Variants in PDZRN3 observed in about 807,000 individuals in gnomAD.
PDZRN3 encodes the protein PDZ domain containing ring finger 3, also known as E3 ubiquitin-protein ligase PDZRN3.
Under a neutral mutation model 85.7 loss-of-function variants are expected in PDZRN3, and 38 were observed. The observed-to-expected ratio is 0.44, with a 90% CI of 0.34 to 0.58. The LOEUF is 0.58. PDZRN3 is among the 20% of genes least tolerant of loss of function. The probability of loss-of-function intolerance (pLI) is 0.01; values close to 1 mark genes in which losing one functional copy is unlikely to be tolerated. For synonymous variants in PDZRN3, 759 were observed against 638.0 expected (o/e 1.19, Z -2.86); for missense variants, 1,629 against 1,506.4 (o/e 1.08, Z -1.35).
intron 3 of PDZRN3, among the ~76,000 whole-genome samples, chr3:73,578,406 G>A (rs186841209): frequency 0.015 from 2,246 of 152,190 alleles, 31 homozygotes; most frequent in Non-Finnish European, 0.022. Context: ...TCCTGACCTC[G>A]TGATCCGCCA....
Position 73,407,944 on chromosome 3 carries a change from C to T in PDZRN3, c.919-3549G>A, listed in dbSNP as rs139373942. The T allele has an allele frequency of 1.1e-3, 664 of 588,840 alleles. 6 individuals are homozygous for T. The highest frequency in any genetic ancestry group is 0.011 in the African/African-American group (592 of 53,312). The allele number at this position is 588,840 out of a possible 1,614,324, so 36.5% of individuals were successfully genotyped here. A position where few individuals can be genotyped will look rare whatever the true frequency, so the allele number is the denominator to read the frequency against. On this transcript the variant is annotated intron_variant, in intron 3 of 9. Coordinates refer to ENST00000263666, the MANE Select transcript of PDZRN3 (RefSeq NM_015009.3). ...TTACAGAGGGAAGAGCAGTAGCAAC[C>T]CCAAAGGGAGAACTGGGACTTTGGG...
intron 3 of PDZRN3, among the ~76,000 whole-genome samples, chr3:73,533,624 A>T (rs956105402): frequency 4.6e-5 from 7 of 152,140 alleles, no homozygotes; most frequent in Non-Finnish European, 7.3e-5. Context: ...GAAACAGATT[A>T]TCCACCAAAT....
At chr3:73,448,379 C>T (rs1293065823) in intron 3 of PDZRN3, among the ~76,000 whole-genome samples, 1 of 152,158 alleles carries the variant, frequency 6.6e-6, no homozygotes, top group African/African-American at 2.4e-5. Context: ...TTCTTCCTTT[C>T]TTTTTTACAT....
At chr3:73,477,071 G>A (rs1251193144) in intron 3 of PDZRN3, among the ~76,000 whole-genome samples, 1 of 152,140 alleles carries the variant, frequency 6.6e-6, no homozygotes, top group African/African-American at 2.4e-5. Context: ...CATGTGAAAT[G>A]TTTTTCATGA....
In PDZRN3 at chr3:73,614,389, T is replaced by C. The variant is rs866486101; in HGVS notation, c.724-5705A>G. ...TGGACACAAGACATCTCCTAATGAG[T>C]GTGGTGGTTCACAGGGTCCATCCAC... On this transcript the variant is annotated intron_variant, in intron 1 of 9. Coordinates refer to ENST00000263666, the MANE Select transcript of PDZRN3 (RefSeq NM_015009.3). Among the ~76,000 whole-genome samples, 4 of 152,180 alleles carry C rather than the reference T, an allele frequency of 2.6e-5. No individual in the cohort carries two copies. In the East Asian group the frequency reaches 7.7e-4, roughly 29 times the overall value.
intron 2 of PDZRN3, among the ~76,000 whole-genome samples, chr3:73,603,824 T>C (rs1575759972): frequency 6.6e-6 from 1 of 151,582 alleles, no homozygotes; most frequent in South Asian, 2.1e-4. Flanking sequence ...CTTGGAAAAA[T>C]GTACATTTCT....
In PDZRN3 at chr3:73,444,651, C is replaced by G. The variant is rs139540833; in HGVS notation, c.919-40256G>C. Among the ~76,000 whole-genome samples, 831 of 152,246 alleles carry G rather than the reference C, an allele frequency of 5.5e-3. 32 individuals are homozygous for G. The highest frequency in any genetic ancestry group is 3.9e-3 in the East Asian group (20 of 5,180). ...TGTCTCCTGGGAAACAAGACTAAAC[C>G]ATAAAGGGGGAGAGAAGTCAGCTGT... On this transcript the variant is annotated intron_variant, in intron 3 of 9. Coordinates refer to ENST00000263666, the MANE Select transcript of PDZRN3 (RefSeq NM_015009.3).
rs147090871 is a variant in PDZRN3 at position 73,592,957 on chromosome 3, T to A, written c.918+9397A>T. 7.3e-4 allele frequency among the ~76,000 whole-genome samples: 111 copies of A among 152,322 alleles called. 1 individual carries two copies. Among genetic ancestry groups the A allele is most frequent in the African/African-American group, 2.5e-3 (105 of 41,566 alleles). On this transcript the variant is annotated intron_variant, in intron 3 of 9. Coordinates refer to ENST00000263666, the MANE Select transcript of PDZRN3 (RefSeq NM_015009.3). ...TGCCTACTGCTTTGAAGCGTTCCCC[T>A]AGCGCTCGCTCATGTTACATATACT...
At chr3:73,513,922 T>TCACC (rs1559716996) in intron 3 of PDZRN3, among the ~76,000 whole-genome samples, 1 of 152,280 alleles carries the variant, frequency 6.6e-6, no homozygotes, top group African/African-American at 2.4e-5. Context: ...ATATACAAGG[T>TCACC]TTCTATGTCC....
chr3:73,481,091 C>A (rs1703551769), intron 3 of PDZRN3, among the ~76,000 whole-genome samples: 1 of 152,186 alleles, frequency 6.6e-6, no homozygotes. Flanking sequence ...TGGCCCCAGC[C>A]TGTACTGATG....
chr3:73,527,933 C>G (rs576174382), intron 3 of PDZRN3, among the ~76,000 whole-genome samples: 3 of 152,212 alleles, frequency 2.0e-5, no homozygotes, highest in Non-Finnish European at 2.9e-5. Flanking sequence ...TCTTATCCCA[C>G]GATGAGCAGA....
intron 3 of PDZRN3, among the ~76,000 whole-genome samples, chr3:73,492,984 C>CTTTT (rs5850113): frequency 0.41 from 42,614 of 103,782 alleles, 10,434 homozygotes; most frequent in East Asian, 0.61. Flanking sequence ...GCTTTTCAAC[C>CTTTT]TTTTTTTTTT....
At chr3:73,514,372 T>C (rs1027993800) in intron 3 of PDZRN3, among the ~76,000 whole-genome samples, 18 of 152,168 alleles carry the variant, frequency 1.2e-4, no homozygotes, top group Non-Finnish European at 2.5e-4. Flanking sequence ...TGTGTAACAA[T>C]AAAATACAGT....
chr3:73,559,659 G>A (rs900024405), intron 3 of PDZRN3, among the ~76,000 whole-genome samples: 5 of 152,172 alleles, frequency 3.3e-5, no homozygotes, highest in Non-Finnish European at 4.4e-5. Flanking sequence ...TCCTATTTAT[G>A]TAAGAAAGAG....
chr3:73,496,502 A>T (rs1372615803), intron 3 of PDZRN3, among the ~76,000 whole-genome samples: 3 of 152,036 alleles, frequency 2.0e-5, no homozygotes, highest in Non-Finnish European at 4.4e-5. Context: ...TTTTTTTAAA[A>T]GCAAATCCCA....
At chr3:73,417,046 T>A (rs1291363190) in intron 3 of PDZRN3, among the ~76,000 whole-genome samples, 1 of 151,456 alleles carries the variant, frequency 6.6e-6, no homozygotes, top group Admixed American at 6.6e-5. Context: ...CCCAGCTAAT[T>A]TTTTTTTGTA....
intron 3 of PDZRN3, among the ~76,000 whole-genome samples, chr3:73,427,434 AC>A (rs374418756): frequency 2.7e-4 from 39 of 144,798 alleles, no homozygotes; most frequent in Admixed American, 1.2e-3. Context: ...TGCATTACCC[AC>A]CCCCCCACCA....
Position 73,384,750 on chromosome 3 carries a change from G to T in PDZRN3, c.1816C>A (p.Leu606Ile). ...SSNPLAGQRKLTCSQDTLGSG... is the reference protein window; with the variant it reads ...SSNPLAGQRKITCSQDTLGSG... ...CCCAAGGTGTCCTGGCTGCAGGTGA[G>T]CTTCCTCTGCCCCGCCAGCGGGTTG... Residue 606 changes from leucine to isoleucine, a missense_variant, in exon 10 of 10, where the codon CTC becomes ATC. Coordinates refer to ENST00000263666, the MANE Select transcript of PDZRN3 (RefSeq NM_015009.3). 1 of 1,613,916 alleles carries T rather than the reference G, an allele frequency of 6.2e-7. No individual in the cohort carries two copies. The highest frequency in any genetic ancestry group is 8.5e-7 in the Non-Finnish European group (1 of 1,180,030).
At chr3:73,421,879 C>T (rs1702210742) in intron 3 of PDZRN3, among the ~76,000 whole-genome samples, 1 of 152,156 alleles carries the variant, frequency 6.6e-6, no homozygotes, top group African/African-American at 2.4e-5. Context: ...GATCCCCTGA[C>T]CTCGTGATCT....
Sources: gnomAD v4.1 joint callset for allele counts (sites outside exome capture counted in the v4.1 genomes callset) on GRCh38, gnomAD v4.1.1 for gene constraint, MANE v1.5 for transcripts, NCBI Gene and HGNC (gene_info 2026-07-23, HGNC 2026-07-21) for gene names.